The following CTNND2 variants were observed in gnomAD, a reference collection of about 807,000 sequenced individuals.
CTNND2 encodes the protein catenin delta 2, also known as catenin delta-2.
A neutral mutation model predicts 144.4 loss-of-function variants in CTNND2; 22 were observed. That is an observed-to-expected ratio of 0.15 (90% CI 0.11 to 0.22). CTNND2 has a LOEUF of 0.22. CTNND2 is among the 10% of genes least tolerant of loss of function. CTNND2 has a pLI of 1.00. For missense variants in CTNND2, 1,353 were observed against 1,618.8 expected (o/e 0.84, Z 2.82); for synonymous variants, 751 against 695.6 (o/e 1.08, Z -1.25).
chr5:11,272,840 A>C (rs536423030), intron 9 of CTNND2, among the ~76,000 whole-genome samples: 1 of 152,342 alleles, frequency 6.6e-6, no homozygotes, highest in African/African-American at 2.4e-5. Flanking sequence ...AGTATATAAA[A>C]TTAATGATAT....
intron 1 of CTNND2, among the ~76,000 whole-genome samples, chr5:11,824,451 G>A (rs72736659): frequency 3.7e-3 from 557 of 152,270 alleles, no homozygotes; most frequent in Non-Finnish European, 6.3e-3. Flanking sequence ...AGGGAGATGG[G>A]GAGGAAATCC....
intron 8 of CTNND2, among the ~76,000 whole-genome samples, chr5:11,352,292 T>C (rs934008558): frequency 2.6e-5 from 4 of 152,188 alleles, no homozygotes; most frequent in Admixed American, 2.6e-4. Context: ...AAACTGAATG[T>C]GGGATCATGT....
chr5:11,162,910 C>G (rs79140420), intron 11 of CTNND2, among the ~76,000 whole-genome samples: 1 of 49,540 alleles, frequency 2.0e-5, no homozygotes, highest in Non-Finnish European at 5.0e-5. Flanking sequence ...CACACACACA[C>G]ACATACAGAC....
chr5:11,454,430 AT>A lies in CTNND2; in HGVS notation c.288-42362del, dbSNP rs1175713942. ...CGAGACTCCGTCTAATAAAAAAAAA[AT>A]AAGTAAATAATAAAAAATTAAATTC... On this transcript the variant is annotated intron_variant, in intron 3 of 21. Transcript: ENST00000304623. Among the ~76,000 whole-genome samples the A allele has an allele frequency of 3.9e-5, 6 of 152,212 alleles. No homozygotes were observed. The East Asian group carries it at 7.7e-4, about 20-fold the overall frequency.
chr5:11,153,040 G>A (rs1218719631), intron 12 of CTNND2, among the ~76,000 whole-genome samples: 1 of 152,104 alleles, frequency 6.6e-6, no homozygotes, highest in Non-Finnish European at 1.5e-5. Context: ...GAGGCGGGAG[G>A]ATCACTTGAG....
chr5:11,830,534 C>T (rs1478262264), intron 1 of CTNND2, among the ~76,000 whole-genome samples: 2 of 152,194 alleles, frequency 1.3e-5, no homozygotes, highest in African/African-American at 4.8e-5. Flanking sequence ...GGGACTTGTT[C>T]CTCCTTTCCT....
chr5:11,745,939 CAT>C (rs1166980880), intron 1 of CTNND2, among the ~76,000 whole-genome samples: 1 of 152,206 alleles, frequency 6.6e-6, no homozygotes, highest in Admixed American at 6.5e-5. Context: ...AGCTTTATAA[CAT>C]GTGATGCACT....
At chr5:11,191,935 T>C (rs1736286867) in intron 11 of CTNND2, among the ~76,000 whole-genome samples, 1 of 152,168 alleles carries the variant, frequency 6.6e-6, no homozygotes, top group African/African-American at 2.4e-5. Context: ...CCGTGTCAAC[T>C]GCAGGCCCAT....
At chr5:11,846,806 AAAG>A (rs1168064651) in intron 1 of CTNND2, among the ~76,000 whole-genome samples, 1 of 152,084 alleles carries the variant, frequency 6.6e-6, no homozygotes, top group East Asian at 1.9e-4. Context: ...ACATTTCTCA[AAAG>A]AAGATATGAA....
intron 16 of CTNND2, among the ~76,000 whole-genome samples, chr5:11,029,891 T>C (rs1051717686): frequency 2.6e-5 from 4 of 152,206 alleles, no homozygotes; most frequent in African/African-American, 9.6e-5. Flanking sequence ...TACTGTTTAG[T>C]GTTCTTGCAT....
intron 3 of CTNND2, among the ~76,000 whole-genome samples, chr5:11,542,859 AC>A (rs1186295236): frequency 2.6e-5 from 4 of 152,220 alleles, no homozygotes; most frequent in Non-Finnish European, 4.4e-5. Flanking sequence ...GGGAGGCTAC[AC>A]TTTTGGGGAG....
chr5:11,180,079 C>T (rs566820957), intron 11 of CTNND2, among the ~76,000 whole-genome samples: 6 of 152,250 alleles, frequency 3.9e-5, no homozygotes, highest in South Asian at 2.1e-4. Flanking sequence ...AATCTCATCT[C>T]GAATTGTAAG....
chr5:11,664,985 T>C (rs747921765), intron 2 of CTNND2, among the ~76,000 whole-genome samples: 1 of 152,142 alleles, frequency 6.6e-6, no homozygotes, highest in Non-Finnish European at 1.5e-5. Context: ...ATTCATGAAA[T>C]GTTAATATTT....
chr5:11,566,729 TA>T (rs1218524418), intron 2 of CTNND2, among the ~76,000 whole-genome samples: 12 of 152,238 alleles, frequency 7.9e-5, no homozygotes, highest in Admixed American at 7.9e-4. Flanking sequence ...GGGCTTCCGC[TA>T]GGACGGATGT....
At chr5:11,880,528 C>T (rs1238780133) in intron 1 of CTNND2, among the ~76,000 whole-genome samples, 1 of 145,074 alleles carries the variant, frequency 6.9e-6, no homozygotes, top group Non-Finnish European at 1.5e-5. Flanking sequence ...ACTACTACTA[C>T]TACCACCACC....
chr5:11,505,433 A>C (rs1417924722), intron 3 of CTNND2, among the ~76,000 whole-genome samples: 1 of 152,188 alleles, frequency 6.6e-6, no homozygotes. Flanking sequence ...GTTTATGTTG[A>C]AATAAACCGC....
At chr5:11,615,386 CT>C (rs201992143) in intron 2 of CTNND2, among the ~76,000 whole-genome samples, 1,549 of 152,224 alleles carry the variant, frequency 0.01, 13 homozygotes, top group Admixed American at 0.016. Context: ...GTATTTTCCC[CT>C]ATTAATTGAA....
chr5:11,350,846 A>G (rs1755260511), intron 8 of CTNND2, among the ~76,000 whole-genome samples: 1 of 152,236 alleles, frequency 6.6e-6, no homozygotes, highest in Non-Finnish European at 1.5e-5. Context: ...GTAAAAGTAT[A>G]TATGTGAAAA....
rs537953901 is a variant in CTNND2 at position 11,662,152 on chromosome 5, T to A, written c.174+69984A>T. On this transcript the variant is annotated intron_variant, in intron 2 of 21. Coordinates refer to ENST00000304623, the MANE Select transcript of CTNND2 (RefSeq NM_001332.4). Reference sequence around the variant, plus strand: ...ATACATATATGTATATATACACATATATATGTGTATATATGTGTATATATA... The same window carrying A: ...ATACATATATGTATATATACACATAAATATGTGTATATATGTGTATATATA... Among the ~76,000 whole-genome samples, 58 of 145,208 alleles carry A rather than the reference T, an allele frequency of 4.0e-4. 2 individuals carry two copies. The South Asian group carries it at 0.012, about 29-fold the overall frequency.
Sources: gnomAD v4.1 joint callset for allele counts (sites outside exome capture counted in the v4.1 genomes callset) on GRCh38, gnomAD v4.1.1 for gene constraint, MANE v1.5 for transcripts, NCBI Gene and HGNC (gene_info 2026-07-23, HGNC 2026-07-21) for gene names.